LYPLAL1: variants seen among roughly 807,000 people sequenced by gnomAD.
LYPLAL1 encodes lysophospholipase like 1.
LYPLAL1 carries 23 observed loss-of-function variants against 19.7 expected under a neutral mutation model. That is an observed-to-expected ratio of 1.17 (90% confidence interval 0.84 to 1.65). The LOEUF (loss-of-function observed/expected upper bound fraction) is 1.65. LYPLAL1 is among the 40% of genes most tolerant of loss of function. LYPLAL1 has a pLI of 0.00. For synonymous variants in LYPLAL1, 119 were observed against 96.3 expected, an observed-to-expected ratio of 1.24 and a Z score of -1.38; for missense variants, 355 against 279.4, an observed-to-expected ratio of 1.27 and a Z score of -1.93.
chr1:219,206,053 C>T (rs1204791979), intron 3 of LYPLAL1, among the ~76,000 whole-genome samples: 1 of 151,952 alleles, frequency 6.6e-6, no homozygotes. Context: ...TGGTAATGGA[C>T]TTTATTGCAT....
chr1:219,248,430 T>C, the LYPLAL1 span, among the ~76,000 whole-genome samples: 1 of 152,202 alleles, frequency 6.6e-6, no homozygotes, highest in Non-Finnish European at 1.5e-5. Context: ...CTTTATTTTC[T>C]TTAAATTTGA....
the LYPLAL1 span, among the ~76,000 whole-genome samples, chr1:219,404,278 C>CT: frequency 2.6e-5 from 4 of 152,204 alleles, no homozygotes; most frequent in South Asian, 8.3e-4. Flanking sequence ...GATCGTGAAG[C>CT]TGAGGGGAGC....
the LYPLAL1 span, among the ~76,000 whole-genome samples, chr1:219,242,663 A>C: frequency 6.6e-6 from 1 of 151,990 alleles, no homozygotes; most frequent in Non-Finnish European, 1.5e-5. Context: ...ATTGACTCAC[A>C]ATGAATCTTG....
At chr1:219,389,330 G>A in the LYPLAL1 span, among the ~76,000 whole-genome samples, 5 of 152,128 alleles carry the variant, frequency 3.3e-5, no homozygotes, top group African/African-American at 1.2e-4. Flanking sequence ...AAGAGTATGG[G>A]GAAGGCCTGA....
At chr1:219,217,412 G>GTGTGT (rs1553304623), downstream of LYPLAL1, among the ~76,000 whole-genome samples, 1 of 70,760 alleles carries the variant, frequency 1.4e-5, no homozygotes, top group African/African-American at 4.1e-5. Context: ...GTGTGTGAGA[G>GTGTGT]ATGGTTGTAA....
At chr1:219,181,484 C>G (rs1354659179) in intron 2 of LYPLAL1, among the ~76,000 whole-genome samples, 1 of 152,128 alleles carries the variant, frequency 6.6e-6, no homozygotes, top group Non-Finnish European at 1.5e-5. Flanking sequence ...TAGAAGATTT[C>G]CAACACATTA....
At chr1:219,339,777 C>T in the LYPLAL1 span, among the ~76,000 whole-genome samples, 1 of 151,866 alleles carries the variant, frequency 6.6e-6, no homozygotes, top group African/African-American at 2.4e-5. Context: ...ACATATGGAC[C>T]AAATTTCCCC....
chr1:219,191,467 A>T (rs1280151803), intron 2 of LYPLAL1, among the ~76,000 whole-genome samples: 1 of 151,640 alleles, frequency 6.6e-6, no homozygotes, highest in Non-Finnish European at 1.5e-5. Context: ...TTTCCATGAG[A>T]TATTGTTGAA....
At chr1:219,213,675 A>G (rs539758766), downstream of LYPLAL1, among the ~76,000 whole-genome samples, 3 of 152,132 alleles carry the variant, frequency 2.0e-5, no homozygotes, top group African/African-American at 2.4e-5. Flanking sequence ...GCGATTGATT[A>G]TAAGTGGTTT....
At chr1:219,377,059 A>G in the LYPLAL1 span, among the ~76,000 whole-genome samples, 1 of 152,246 alleles carries the variant, frequency 6.6e-6, no homozygotes, top group Non-Finnish European at 1.5e-5. Context: ...TATTCATAAT[A>G]GCTACCAGGC....
At chr1:219,331,529 G>A in the LYPLAL1 span, among the ~76,000 whole-genome samples, 1 of 152,178 alleles carries the variant, frequency 6.6e-6, no homozygotes, top group African/African-American at 2.4e-5. Flanking sequence ...AAGCATAAGA[G>A]AGGAAATGAA....
chr1:219,190,574 AT>A lies in LYPLAL1; in HGVS notation c.192-2499del, dbSNP rs905844034. On this transcript the variant is annotated intron_variant, in intron 2 of 4. Transcript: ENST00000366928. ...CAAATCTAGAGACCCAGAAATTTAA[AT>A]TTTTTTTTAAAAAGACATTATATCA... Among the ~76,000 whole-genome samples, 9 of 126,504 alleles carry A rather than the reference AT, an allele frequency of 7.1e-5. No individual in the cohort carries two copies. The South Asian group carries it at 2.3e-3, about 33-fold the overall frequency. The allele number at this position is 126,504 out of a possible 152,430, so 83.0% of individuals were successfully genotyped here. A position where few individuals can be genotyped will look rare whatever the true frequency, so the allele number is the denominator to read the frequency against.
chr1:219,210,385 G>C (rs1658914748), intron 3 of LYPLAL1, 147 bp from the exon 4 acceptor site: 1 of 513,568 alleles, frequency 1.9e-6, no homozygotes, highest in South Asian at 3.3e-5. Flanking sequence ...GCAGGCCTTT[G>C]TCTGTGAAAC....
chr1:219,409,967 C>T, the LYPLAL1 span: 1 of 152,194 alleles, frequency 6.6e-6, no homozygotes, highest in Non-Finnish European at 1.5e-5. Flanking sequence ...AAAGCCACTA[C>T]ATTTGTACCG....
the LYPLAL1 span, among the ~76,000 whole-genome samples, chr1:219,289,122 A>G: frequency 3.6e-3 from 504 of 139,102 alleles, 3 homozygotes; most frequent in African/African-American, 0.012. Context: ...TTGGAGGCAC[A>G]GGACCCGAGG....
chr1:219,197,784 A>G (rs1657724720), intron 3 of LYPLAL1, among the ~76,000 whole-genome samples: 1 of 152,198 alleles, frequency 6.6e-6, no homozygotes, highest in South Asian at 2.1e-4. Flanking sequence ...TTTACAAGAA[A>G]AAGAAAACCC....
At chr1:219,388,463 T>A in the LYPLAL1 span, among the ~76,000 whole-genome samples, 1 of 152,148 alleles carries the variant, frequency 6.6e-6, no homozygotes, top group African/African-American at 2.4e-5. Flanking sequence ...TTCACAGGAC[T>A]AGTAGAGTCT....
the LYPLAL1 span, among the ~76,000 whole-genome samples, chr1:219,375,869 G>C: frequency 6.6e-6 from 1 of 151,784 alleles, no homozygotes; most frequent in Non-Finnish European, 1.5e-5. Flanking sequence ...AGCCTCCCGA[G>C]TAGCTGGGAC....
chr1:219,437,912 G>T, the LYPLAL1 span, among the ~76,000 whole-genome samples: 1 of 151,720 alleles, frequency 6.6e-6, no homozygotes, highest in East Asian at 1.9e-4. Flanking sequence ...GATTACAGGC[G>T]CCCACCACCA....
Sources: allele counts gnomAD v4.1 joint callset (sites outside exome capture counted in the v4.1 genomes callset), GRCh38; gene constraint gnomAD v4.1.1; transcripts MANE v1.5; gene names NCBI Gene and HGNC (gene_info 2026-07-23, HGNC 2026-07-21).